Variants in DYSF observed in about 807,000 individuals in gnomAD.
DYSF encodes dysferlin.
DYSF carries 212 observed loss-of-function variants against 274.9 expected under a neutral mutation model. That is an observed-to-expected ratio of 0.77 (90% CI 0.69 to 0.86). The LOEUF is 0.86. Ranked by LOEUF, DYSF falls within the 40% of genes least tolerant of loss-of-function variation. The probability of loss-of-function intolerance (pLI) is 0.00; values close to 1 mark genes in which losing one functional copy is unlikely to be tolerated. For synonymous variants in DYSF, 1,091 were observed against 1,078.7 expected (o/e 1.01, Z -0.22); for missense variants, 2,666 against 2,783.2 (o/e 0.96, Z 0.95).
In DYSF at chr2:71,549,470, ATG is replaced by A. The variant is rs1365697749; in HGVS notation, c.1577-1570_1577-1569del. 5 of 1,444,154 alleles carry A rather than the reference ATG, an allele frequency of 3.5e-6. No homozygotes were observed. The Admixed American group carries it at 7.5e-5, about 22-fold the overall frequency. 89.5% of individuals were successfully genotyped at this position (1,444,154 alleles called of 1,614,324 possible). ...CTAGAGGGGCGAGGGTGCTGGAGGC[ATG>A]GGGTTTTTGATTTGCCTGAGGTGGG... On this transcript the variant is annotated intron_variant, in intron 17 of 55. Coordinates refer to ENST00000410020, the MANE Select transcript of DYSF (RefSeq NM_001130987.2).
At chr2:71,682,779 C>T (rs2095311865) in intron 55 of DYSF, 102 bp downstream of exon 55, 10 of 1,495,686 alleles carry the variant, frequency 6.7e-6, no homozygotes, top group Non-Finnish European at 8.2e-6. Context: ...AGAGAAGTAA[C>T]CTCTGTCCTT....
chr2:71,570,750 G>A lies in DYSF; in HGVS notation c.3228+9G>A. 1 of 1,613,484 alleles carries A rather than the reference G, an allele frequency of 6.2e-7. No homozygotes were observed. Among genetic ancestry groups the A allele is most frequent in the Non-Finnish European group, 8.5e-7 (1 of 1,179,882 alleles). On this transcript the variant is annotated intron_variant, in intron 29 of 55. Transcript: ENST00000410020. ...TGGAAGCACTGAAAAGGGTGAGCCA[G>A]CAGGTGGTGGGTGGGAGTGAGGCCT...
chr2:71,490,351 T>C (rs2083738997), intron 3 of DYSF, among the ~76,000 whole-genome samples: 2 of 152,250 alleles, frequency 1.3e-5, no homozygotes, highest in Non-Finnish European at 2.9e-5. Context: ...TCTTTCTTTC[T>C]TTTTTGAGAC....
intron 29 of DYSF, 147 bp downstream of exon 29, chr2:71,570,888 C>T: frequency 1.7e-6 from 2 of 1,184,864 alleles, no homozygotes; most frequent in South Asian, 1.5e-5. Flanking sequence ...GCTCACAGAT[C>T]ACACCCAGCA....
rs374162764 is a variant in DYSF at position 71,639,830 on chromosome 2, C to T, written c.4528-4135C>T. Among the ~76,000 whole-genome samples, 7 of 152,264 alleles carry T rather than the reference C, an allele frequency of 4.6e-5. No homozygotes were observed. In the East Asian group the frequency reaches 7.7e-4, roughly 17 times the overall value. ...GCCTTCTGGAATGATTGTGGCCATC[C>T]GTGCCCCACCAGCAGTTTGTAGGAG... is the stretch of plus-strand genomic sequence containing the variant. On this transcript the variant is annotated intron_variant, in intron 41 of 55. Coordinates refer to ENST00000410020, the MANE Select transcript of DYSF (RefSeq NM_001130987.2).
intron 29 of DYSF, among the ~76,000 whole-genome samples, chr2:71,571,147 A>C (rs1231715279): frequency 6.6e-6 from 1 of 150,932 alleles, no homozygotes; most frequent in African/African-American, 2.4e-5. Context: ...CAGCGCATGC[A>C]CAGATCACAC....
chr2:71,609,582 G>C (rs1422015153), intron 36 of DYSF, among the ~76,000 whole-genome samples: 1 of 152,200 alleles, frequency 6.6e-6, no homozygotes, highest in East Asian at 1.9e-4. Flanking sequence ...TCTCGGAGCA[G>C]CTTATCTCAG....
At chr2:71,494,656 C>A (rs1421046990) in intron 3 of DYSF, among the ~76,000 whole-genome samples, 1 of 152,230 alleles carries the variant, frequency 6.6e-6, no homozygotes, top group Admixed American at 6.5e-5. Context: ...TGATCCCTAC[C>A]TGTGCCTAGC....
intron 55 of DYSF, among the ~76,000 whole-genome samples, chr2:71,683,233 A>G (rs2095316922): frequency 6.6e-6 from 1 of 152,178 alleles, no homozygotes. Flanking sequence ...AGGCTGGCCC[A>G]GGAGCCCTTA....
chr2:71,665,228 G>T lies in DYSF; in HGVS notation c.5241G>T (p.Gln1747His). The T allele has an allele frequency of 6.2e-7, 1 of 1,614,146 alleles. No individual in the cohort carries two copies. The highest frequency in any genetic ancestry group is 8.5e-7 in the Non-Finnish European group (1 of 1,180,034). The change falls in exon 47 of 56, where the codon CAG (glutamine) becomes CAT (histidine). Residue 1747 changes from glutamine (Q) to histidine (H), a missense_variant. Physicochemically the swap from Gln to His is conservative, Grantham distance 24. Around this residue, in one of 3 missense-constraint regions of DYSF, gnomAD observed 1,460 missense variants for 1,502.1 expected, o/e 0.97. Transcript: ENST00000410020. ...PSQLLHLFCQQHRVKAPVYRT... is the reference protein window; with the variant it reads ...PSQLLHLFCQHHRVKAPVYRT... Reference sequence around the variant, plus strand: ...AGCTCCTCCACCTCTTCTGCCAGCAGCATAGAGTCAAGGCACCTGTGTACC... The same window carrying T: ...AGCTCCTCCACCTCTTCTGCCAGCATCATAGAGTCAAGGCACCTGTGTACC...
At chr2:71,623,363 C>A (rs1225158650) in intron 41 of DYSF, among the ~76,000 whole-genome samples, 1 of 134,078 alleles carries the variant, frequency 7.5e-6, no homozygotes, top group Non-Finnish European at 1.5e-5. Context: ...GTGTGATATT[C>A]CCCTTCCTGT....
intron 40 of DYSF, among the ~76,000 whole-genome samples, chr2:71,614,147 A>G (rs955803457): frequency 3.3e-5 from 5 of 152,122 alleles, no homozygotes; most frequent in African/African-American, 1.2e-4. Context: ...TGTAGGGTTG[A>G]GCCCATCTGG....
At chr2:71,650,654 A>C (rs2094640576) in intron 42 of DYSF, among the ~76,000 whole-genome samples, 1 of 152,186 alleles carries the variant, frequency 6.6e-6, no homozygotes, top group Admixed American at 6.5e-5. Flanking sequence ...AAATTTCAGA[A>C]AGTGACAATA....
At chr2:71,600,023 G>A (rs1208150568) in intron 33 of DYSF, among the ~76,000 whole-genome samples, 1 of 152,154 alleles carries the variant, frequency 6.6e-6, no homozygotes, top group Non-Finnish European at 1.5e-5. Context: ...GGAGGCAGGC[G>A]GCAGGGCTGG....
In DYSF at chr2:71,681,043, C is replaced by T. The variant is rs377457322; in HGVS notation, c.6106C>T (p.His2036Tyr). The T allele has an allele frequency of 6.2e-7, 1 of 1,614,102 alleles. No homozygotes were observed. Among genetic ancestry groups the T allele is most frequent in the African/African-American group, 1.3e-5 (1 of 74,952 alleles). Reference protein sequence around the residue: ...MTLEIVAESEHEERPAGQGRD... With the variant: ...MTLEIVAESEYEERPAGQGRD... ...CTTGGAGATTGTAGCAGAGAGTGAG[C>T]ATGAGGAGCGGCCTGCTGGCCAGGG... is the stretch of plus-strand genomic sequence containing the variant. Residue 2036 changes from histidine to tyrosine, a missense_variant, in exon 54 of 56, where the codon CAT becomes TAT. Around this residue, in one of 3 missense-constraint regions of DYSF, gnomAD observed 1,460 missense variants for 1,502.1 expected, o/e 0.97. Transcript: ENST00000410020.
Position 71,612,742 on chromosome 2 carries a change from C to A in DYSF, c.4323C>A (p.Arg1441=), listed in dbSNP as rs758538165. The change falls in exon 39 of 56, where the codon CGC becomes CGA. Residue 1441 remains arginine (R), a synonymous_variant. Transcript: ENST00000410020. ...RRPVVGQCTI[R]SLESFLCDPY... ...CTGTGGTGGGCCAGTGTACCATCCG[C>A]TCCCTGGAGAGCTTCCTGTGTGACC... The A allele has an allele frequency of 1.2e-6, 2 of 1,614,184 alleles. No individual in the cohort carries two copies. Among genetic ancestry groups the A allele is most frequent in the Non-Finnish European group, 1.7e-6 (2 of 1,180,024 alleles).
intron 55 of DYSF, 97 bp from the exon 56 acceptor site, chr2:71,686,357 T>C: frequency 1.3e-6 from 2 of 1,494,646 alleles, no homozygotes; most frequent in Non-Finnish European, 1.9e-6. Context: ...GTTGGCAGCT[T>C]AGCCCCATCC....
At position 71,515,657 on chromosome 2, in the gene DYSF, C is replaced by G. The variant is rs143053635; in HGVS notation, c.794C>G (p.Pro265Arg). 6.2e-7 allele frequency: 1 copy of G among 1,613,818 alleles called. No individual in the cohort carries two copies. Among genetic ancestry groups the G allele is most frequent in the South Asian group, 1.1e-5 (1 of 91,060 alleles). Residue 265 changes from proline to arginine, a missense_variant, in exon 8 of 56, where the codon CCG becomes CGG. Around this residue, in one of 3 missense-constraint regions of DYSF, gnomAD observed 794 missense variants for 777.1 expected, o/e 1.02. Coordinates refer to ENST00000410020, the MANE Select transcript of DYSF (RefSeq NM_001130987.2). ...CAGGTGATCGAGGGGCGCCAGCTGCCGGGGGTGAACATCAAGCCTGTGGTC... is the reference window on the plus strand; with the variant it reads ...CAGGTGATCGAGGGGCGCCAGCTGCGGGGGGTGAACATCAAGCCTGTGGTC... The part of the protein sequence containing the change: ...RVQVIEGRQL[P>R]GVNIKPVVKV...
rs886042091 is a variant in DYSF, at chr2:71,590,246, C to G, written c.3532C>G (p.Gln1178Glu). The G allele has an allele frequency of 1.9e-6, 3 of 1,614,166 alleles. No individual in the cohort carries two copies. The highest frequency in any genetic ancestry group is 1.3e-5 in the African/African-American group (1 of 75,038). Residue 1178 changes from glutamine to glutamate, a missense_variant, in exon 32 of 56, where the codon CAG becomes GAG. This residue lies in a region of DYSF where 1,460 missense variants were observed against 1,502.1 expected (regional missense o/e 0.97). Coordinates refer to ENST00000410020, the MANE Select transcript of DYSF (RefSeq NM_001130987.2). ...NRYHLRCYMY[Q>E]ARDLAAMDKD... The stretch of plus-strand genomic sequence containing the variant: ...CTACCATCTACGCTGCTACATGTAC[C>G]AGGCCCGGGACCTGGCTGCGATGGA...
Sources: gnomAD v4.1 joint callset for allele counts (sites outside exome capture counted in the v4.1 genomes callset) on GRCh38, gnomAD v4.1.1 for gene constraint, gnomAD v4.1.1 regional missense constraint, MANE v1.5 for transcripts, NCBI Gene and HGNC (gene_info 2026-07-23, HGNC 2026-07-21) for gene names.